The following WLS variants were observed in gnomAD, a reference collection of about 807,000 sequenced individuals.
WLS encodes protein wntless homolog.
WLS carries 23 observed loss-of-function variants against 62.8 expected under a neutral mutation model. That is an observed-to-expected ratio of 0.37 (90% CI 0.26 to 0.52). WLS has a LOEUF of 0.52. WLS is among the 20% of genes least tolerant of loss of function. The pLI is 0.92. For synonymous variants in WLS, 246 were observed against 244.1 expected, an observed-to-expected ratio of 1.01 and a Z score of -0.07; for missense variants, 615 against 697.3, an observed-to-expected ratio of 0.88 and a Z score of 1.33.
At chr1:68,179,283 A>G (rs1035996282) in intron 2 of WLS, among the ~76,000 whole-genome samples, 2 of 152,188 alleles carry the variant, frequency 1.3e-5, no homozygotes, top group Admixed American at 1.3e-4. Flanking sequence ...TGGACTCTCA[A>G]CTTCAGAGAG....
In WLS at chr1:68,126,043, A is replaced by G. The variant is rs1245327457; in HGVS notation, c.*183T>C. ...ACACAATGCATTAGTGGCTGCAGGA[A>G]TCTTCCTCCAAAAGCTACCGTCAGA... On this transcript the variant is annotated 3_prime_UTR_variant, in exon 12 of 12. Coordinates refer to ENST00000262348, the MANE Select transcript of WLS (RefSeq NM_024911.7). 13 of 1,433,998 alleles carry G rather than the reference A, an allele frequency of 9.1e-6. No homozygotes were observed. Among genetic ancestry groups the G allele is most frequent in the Non-Finnish European group, 3.7e-6 (4 of 1,090,688 alleles). The allele number at this position is 1,433,998 out of a possible 1,614,324, so 88.8% of individuals were successfully genotyped here.
At chr1:68,164,091 C>T (rs1376215111) in intron 2 of WLS, among the ~76,000 whole-genome samples, 1 of 152,202 alleles carries the variant, frequency 6.6e-6, no homozygotes, top group Non-Finnish European at 1.5e-5. Context: ...TCAGTACCCA[C>T]TATTCTATTA....
intron 11 of WLS, among the ~76,000 whole-genome samples, chr1:68,105,819 T>C (rs1033133790): frequency 3.9e-5 from 6 of 152,028 alleles, no homozygotes; most frequent in African/African-American, 1.5e-4. Flanking sequence ...AGGGAAAACA[T>C]GTCAGTACCG....
At position 68,125,653 on chromosome 1, in the gene WLS, T is replaced by A; in HGVS notation, c.*573A>T. 1 of 985,504 alleles carries A rather than the reference T, an allele frequency of 1.0e-6. No individual in the cohort carries two copies. 61.0% of individuals were successfully genotyped at this position (985,504 alleles called of 1,614,324 possible). ...ACCCCTGGTGGAATAAATCTTCTCATGAAATTCAGTTATATTATGCCACAA... is the reference window on the plus strand; with the variant it reads ...ACCCCTGGTGGAATAAATCTTCTCAAGAAATTCAGTTATATTATGCCACAA... On this transcript the variant is annotated 3_prime_UTR_variant, in exon 12 of 12. Transcript: ENST00000262348.
chr1:68,148,213 G>T lies in WLS; in HGVS notation c.1071-14C>A. The T allele has an allele frequency of 6.2e-7, 1 of 1,613,732 alleles. No homozygotes were observed. The highest frequency in any genetic ancestry group is 8.5e-7 in the Non-Finnish European group (1 of 1,179,630). On this transcript the variant is annotated splice_polypyrimidine_tract_variant and intron_variant, in intron 7 of 11. Transcript: ENST00000262348. ...AGTTGTACCCCTCTACAAAGAAAAT[G>T]AGATGGAAAGGCAAGACACAATTAA... is the stretch of plus-strand genomic sequence containing the variant.
chr1:68,216,871 T>G (rs1649750921), intron 1 of WLS, among the ~76,000 whole-genome samples: 1 of 152,214 alleles, frequency 6.6e-6, no homozygotes, highest in Non-Finnish European at 1.5e-5. Context: ...TAGCAATATT[T>G]TATATACTCC....
intron 1 of WLS, 44 bp downstream of exon 1, chr1:68,232,150 G>A (rs531765927): frequency 2.5e-6 from 4 of 1,612,600 alleles, no homozygotes; most frequent in Non-Finnish European, 3.4e-6. Flanking sequence ...GAAGGGGCCC[G>A]AAAAGACAGA....
chr1:68,117,843 A>G (rs1410999261), intron 11 of WLS: 1 of 152,186 alleles, frequency 6.6e-6, no homozygotes, highest in Non-Finnish European at 1.5e-5. Context: ...ACCCAATGAC[A>G]TGATCTCCCC....
At chr1:68,134,423 G>A (rs1477810685) in intron 11 of WLS, among the ~76,000 whole-genome samples, 1 of 152,208 alleles carries the variant, frequency 6.6e-6, no homozygotes, top group African/African-American at 2.4e-5. Flanking sequence ...CACAGATCAT[G>A]TTACCAAAGG....
chr1:68,198,418 C>T (rs1474838466), intron 1 of WLS, among the ~76,000 whole-genome samples: 2 of 152,140 alleles, frequency 1.3e-5, no homozygotes, highest in Non-Finnish European at 2.9e-5. Context: ...TCCACTACAG[C>T]ACATGAATTG....
intron 11 of WLS, among the ~76,000 whole-genome samples, chr1:68,099,051 G>A (rs9436365): frequency 0.016 from 2,463 of 152,134 alleles, 58 homozygotes; most frequent in African/African-American, 0.055. Flanking sequence ...TGTTGAGAAC[G>A]TGTATCTAGT....
chr1:68,218,999 ATG>A (rs1195224837), intron 1 of WLS, among the ~76,000 whole-genome samples: 50 of 152,380 alleles, frequency 3.3e-4, no homozygotes, highest in African/African-American at 1.2e-3. Flanking sequence ...TAAGCAAACT[ATG>A]TGGCTCTTCT....
At chr1:68,192,986 G>A (rs535745945) in intron 2 of WLS, among the ~76,000 whole-genome samples, 15 of 150,016 alleles carry the variant, frequency 1.0e-4, no homozygotes, top group Admixed American at 2.0e-4. Flanking sequence ...GTGGGTGCCT[G>A]TAATCCCAGC....
At chr1:68,143,332 C>A (rs1646711622) in intron 10 of WLS, among the ~76,000 whole-genome samples, 1 of 152,150 alleles carries the variant, frequency 6.6e-6, no homozygotes, top group South Asian at 2.1e-4. Flanking sequence ...GCGTTCTGAT[C>A]TCTAACTTAT....
intron 1 of WLS, among the ~76,000 whole-genome samples, chr1:68,216,223 CGA>C (rs1649721553): frequency 6.6e-6 from 1 of 152,108 alleles, no homozygotes. Context: ...ATTCAAATCC[CGA>C]GTTATTCCTT....
In WLS at chr1:68,162,525, A is replaced by G. The variant is rs1646993160; in HGVS notation, c.380-3278T>C. On this transcript the variant is annotated intron_variant, in intron 2 of 11. Transcript: ENST00000262348. ...GAACTGCAACCGCCTACCCCCTGCGATCAAAGCCGATGAGGCCCAGCATTT... is the reference window on the plus strand; with the variant it reads ...GAACTGCAACCGCCTACCCCCTGCGGTCAAAGCCGATGAGGCCCAGCATTT... 3 of 1,611,116 alleles carry G rather than the reference A, an allele frequency of 1.9e-6. No individual in the cohort carries two copies. The South Asian group carries it at 3.3e-5, about 18-fold the overall frequency.
intron 11 of WLS, among the ~76,000 whole-genome samples, chr1:68,136,582 T>C (rs958646388): frequency 3.3e-5 from 5 of 152,228 alleles, no homozygotes; most frequent in African/African-American, 4.8e-5. Flanking sequence ...TGTATTGCAG[T>C]GAAAAGCCTT....
At chr1:68,221,667 A>G (rs1295462130) in intron 1 of WLS, among the ~76,000 whole-genome samples, 1 of 152,236 alleles carries the variant, frequency 6.6e-6, no homozygotes, top group East Asian at 1.9e-4. Context: ...TGGAATTCAT[A>G]AAACATGGAA....
At chr1:68,193,071 T>C (rs1487494216) in intron 2 of WLS, among the ~76,000 whole-genome samples, 2 of 150,754 alleles carry the variant, frequency 1.3e-5, no homozygotes, top group Admixed American at 6.6e-5. Context: ...ATTGAGCCAC[T>C]GCACTCCAGC....
Sources: allele counts gnomAD v4.1 joint callset (sites outside exome capture counted in the v4.1 genomes callset), GRCh38; gene constraint gnomAD v4.1.1; transcripts MANE v1.5; gene names NCBI Gene and HGNC (gene_info 2026-07-23, HGNC 2026-07-21).